NPRL2: variants seen among roughly 807,000 people sequenced by gnomAD.
NPRL2 encodes NPR2 like, GATOR1 complex subunit.
In NPRL2, 21 loss-of-function variants were observed where a neutral mutation model predicts 51.1. The ratio of observed to expected loss-of-function variants is 0.41; its 90% confidence interval spans 0.29 to 0.59. The LOEUF is 0.59. NPRL2 is among the 20% of genes least tolerant of loss of function. NPRL2 has a pLI of 0.29. For missense variants in NPRL2, 376 were observed against 483.4 expected, an observed-to-expected ratio of 0.78 and a Z score of 2.08; for synonymous variants, 175 against 187.8, an observed-to-expected ratio of 0.93 and a Z score of 0.56.
chr3:50,349,185 G>T lies in NPRL2; in HGVS notation c.449-175C>A, dbSNP rs1703663264. ...CAAAGGGGAAGGAATTGCCCAAGGG[G>T]CAGAGCTGGAGAGCTCTGCTTTCCC... On this transcript the variant is annotated intron_variant, in intron 4 of 10. Coordinates refer to ENST00000232501, the MANE Select transcript of NPRL2 (RefSeq NM_006545.5). This position sits in a 1 kb window ranked among gnomAD's most constrained non-coding sequence, Gnocchi z 4.6. 4.4e-6 allele frequency: 4 copies of T among 903,780 alleles called. No individual in the cohort carries two copies. In the Admixed American group the frequency reaches 1.1e-4, roughly 24 times the overall value. The allele number at this position is 903,780 out of a possible 1,614,324, so 56.0% of individuals were successfully genotyped here. A position where few individuals can be genotyped will look rare whatever the true frequency, so the allele number is the denominator to read the frequency against.
At position 50,348,198 on chromosome 3, in the gene NPRL2, G is replaced by A. The variant is rs1298776070; in HGVS notation, c.858C>T (p.Cys286=). 1 of 1,614,054 alleles carries A rather than the reference G, an allele frequency of 6.2e-7. No homozygotes were observed. Among genetic ancestry groups the A allele is most frequent in the Non-Finnish European group, 8.5e-7 (1 of 1,180,032 alleles). ...ASLRDVFQLY[C]SLSPGTTVRD... ...GCACGGTAGTGCCAGGGCTCAGGCT[G>A]CAGTATAGCTGGAACACATCCCGGA... Residue 286 remains cysteine, a synonymous_variant, in exon 9 of 11, where the codon TGC becomes TGT. Transcript: ENST00000232501. This position sits in a 1 kb window ranked among gnomAD's most constrained non-coding sequence, Gnocchi z 5.8.
chr3:50,347,669 C>T lies in NPRL2; in HGVS notation c.1080G>A (p.Met360Ile), dbSNP rs1393501650. 5 of 1,614,094 alleles carry T rather than the reference C, an allele frequency of 3.1e-6. No individual in the cohort carries two copies. In the South Asian group the frequency reaches 4.4e-5, roughly 14 times the overall value. Reference sequence around the variant, plus strand: ...GCCGCTCATCCAGCTCATGGTAGCTCATGCCTGGGTGGGGTGGTGGAGGAG... The same window carrying T: ...GCCGCTCATCCAGCTCATGGTAGCTTATGCCTGGGTGGGGTGGTGGAGGAG... ...SYDEICCKTGMSYHELDERLE... is the reference protein window; with the variant it reads ...SYDEICCKTGISYHELDERLE... The change falls in exon 11 of 11, where the codon ATG (methionine) becomes ATA (isoleucine). Residue 360 changes from methionine (M) to isoleucine (I), a missense_variant. Coordinates refer to ENST00000232501, the MANE Select transcript of NPRL2 (RefSeq NM_006545.5).
At chr3:50,347,727 T>C (rs768466363) in intron 10 of NPRL2, 32 bp downstream of exon 10, 1 of 1,613,876 alleles carries the variant, frequency 6.2e-7, no homozygotes, top group Non-Finnish European at 8.5e-7. Flanking sequence ...CACCCTGCCC[T>C]GAACCCACCC....
Position 50,349,214 on chromosome 3 carries a change from AC to A in NPRL2, c.448+171del. On this transcript the variant is annotated intron_variant, in intron 4 of 10. Coordinates refer to ENST00000232501, the MANE Select transcript of NPRL2 (RefSeq NM_006545.5). This position sits in a 1 kb window ranked among gnomAD's most constrained non-coding sequence, Gnocchi z 4.6. ...AGCTGGAGAGCTCTGCTTTCCCCCT[AC>A]CCCCAGTCCCAGCTCCATCATGCAT... 1.2e-6 allele frequency: 1 copy of A among 829,962 alleles called. No homozygotes were observed. Among genetic ancestry groups the A allele is most frequent in the Non-Finnish European group, 1.9e-6 (1 of 531,272 alleles). The allele number at this position is 829,962 out of a possible 1,614,324, so 51.4% of individuals were successfully genotyped here.
intron 9 of NPRL2, 68 bp from the exon 10 acceptor site, chr3:50,347,969 C>T: frequency 1.2e-6 from 2 of 1,605,138 alleles, no homozygotes; most frequent in South Asian, 2.2e-5. Context: ...CCAACCCTTT[C>T]CTGTAGTCTC....
chr3:50,349,058 T>A lies in NPRL2; in HGVS notation c.449-48A>T. ...CCTCAGTGCCACTTCTTCCAAGAGG[T>A]CCTCAATTACCATCCAGGCCTCCCA... is the stretch of plus-strand genomic sequence containing the variant. On this transcript the variant is annotated intron_variant, in intron 4 of 10. Coordinates refer to ENST00000232501, the MANE Select transcript of NPRL2 (RefSeq NM_006545.5). This position sits in a 1 kb window ranked among gnomAD's most constrained non-coding sequence, Gnocchi z 4.6. The A allele has an allele frequency of 6.3e-7, 1 of 1,593,780 alleles. No homozygotes were observed. Among genetic ancestry groups the A allele is most frequent in the African/African-American group, 1.3e-5 (1 of 74,472 alleles).
At position 50,348,357 on chromosome 3, in the gene NPRL2, C is replaced by T; in HGVS notation, c.774G>A (p.Lys258=). ...TPKVQDLVDD[K]SLQEACLSYV... is the part of the protein sequence containing the mutation. ...AGGATAGACATGCCTCTTGCAGGGA[C>T]TTGTCATCTACCAGGTCCTGGACCT... Residue 258 remains lysine (K), a synonymous_variant, in exon 8 of 11, where the codon AAG becomes AAA. Transcript: ENST00000232501. The surrounding 1 kb of genome is among the most constrained non-coding windows in gnomAD (Gnocchi z 5.8). The T allele has an allele frequency of 6.2e-7, 1 of 1,613,954 alleles. No homozygotes were observed. The highest frequency in any genetic ancestry group is 1.1e-5 in the South Asian group (1 of 91,080).
Position 50,350,003 on chromosome 3 carries a change from G to C in NPRL2, c.98C>G (p.Ser33Cys). The change falls in exon 2 of 11, where the codon TCC (serine) becomes TGC (cysteine). Residue 33 changes from serine (S) to cysteine (C), a missense_variant. Ser to Cys is a moderately radical substitution (Grantham distance 112). Coordinates refer to ENST00000232501, the MANE Select transcript of NPRL2 (RefSeq NM_006545.5). This position sits in a 1 kb window ranked among gnomAD's most constrained non-coding sequence, Gnocchi z 5.7. ...TTGGACTGTGTCAAACAGCTCTCGG[G>C]AGATGAAGTCTTCAGGGACCTGGGG... ...ITYQVPEDFI[S>C]RELFDTVQVY... 2 of 1,613,852 alleles carry C rather than the reference G, an allele frequency of 1.2e-6. No homozygotes were observed. The highest frequency in any genetic ancestry group is 1.7e-6 in the Non-Finnish European group (2 of 1,179,994).
rs1044407713 is a variant in NPRL2 at position 50,350,560 on chromosome 3, G to T, written c.78+15C>A. The T allele has an allele frequency of 6.3e-7, 1 of 1,598,814 alleles. No homozygotes were observed. Among genetic ancestry groups the T allele is most frequent in the Non-Finnish European group, 8.5e-7 (1 of 1,172,516 alleles). ...CGTCCCTCTTCCCGCCCAGTCCCGCGAGCCCGGGTGGCACCTGATAGGTGA... is the reference window on the plus strand; with the variant it reads ...CGTCCCTCTTCCCGCCCAGTCCCGCTAGCCCGGGTGGCACCTGATAGGTGA... On this transcript the variant is annotated intron_variant, in intron 1 of 10. Transcript: ENST00000232501. This position sits in a 1 kb window ranked among gnomAD's most constrained non-coding sequence, Gnocchi z 5.7.
In NPRL2 at chr3:50,349,574, G is replaced by T; in HGVS notation, c.340-80C>A. ...GCTGCCCTGAGTCCTGAGCTGGTTT[G>T]CAGGGTCCCAGGTTTGGGGGACTTT... is the stretch of plus-strand genomic sequence containing the variant. On this transcript the variant is annotated intron_variant, in intron 3 of 10. Coordinates refer to ENST00000232501, the MANE Select transcript of NPRL2 (RefSeq NM_006545.5). The surrounding 1 kb of genome is among the most constrained non-coding windows in gnomAD (Gnocchi z 4.6). The T allele has an allele frequency of 6.2e-7, 1 of 1,609,962 alleles. No individual in the cohort carries two copies.
At position 50,349,852 on chromosome 3, in the gene NPRL2, G is replaced by A; in HGVS notation, c.171-19C>T. ...AGCTGTGCTGGATAATTGGAACACA[G>A]TCAGGCCCCCAAGCCTGTCCCTTCC... On this transcript the variant is annotated intron_variant, in intron 2 of 10. Transcript: ENST00000232501. The surrounding 1 kb of genome is among the most constrained non-coding windows in gnomAD (Gnocchi z 4.6). 6.2e-7 allele frequency: 1 copy of A among 1,612,078 alleles called. No individual in the cohort carries two copies. The highest frequency in any genetic ancestry group is 8.5e-7 in the Non-Finnish European group (1 of 1,178,582).
In NPRL2 at chr3:50,349,799, C is replaced by G; in HGVS notation, c.205G>C (p.Val69Leu). The change falls in exon 3 of 11, where the codon GTG becomes CTG. Residue 69 changes from valine to leucine, a missense_variant. Transcript: ENST00000232501. The surrounding 1 kb of genome is among the most constrained non-coding windows in gnomAD (Gnocchi z 4.6). ...CTGTACTTCTTGTGTTCGATGCACA[C>G]AGGACAGCCGATCAGCTTCTTTTCC... ...AMEKKLIGCPVCIEHKKYSRN... is the reference protein window; with the variant it reads ...AMEKKLIGCPLCIEHKKYSRN... 1 of 1,613,320 alleles carries G rather than the reference C, an allele frequency of 6.2e-7. No individual in the cohort carries two copies. The highest frequency in any genetic ancestry group is 8.5e-7 in the Non-Finnish European group (1 of 1,179,486).
rs761929873 is a variant in NPRL2 at position 50,349,389 on chromosome 3, T to C, written c.445A>G (p.Ile149Val). 6.2e-7 allele frequency: 1 copy of C among 1,613,046 alleles called. No individual in the cohort carries two copies. The highest frequency in any genetic ancestry group is 8.5e-7 in the Non-Finnish European group (1 of 1,179,520). Residue 149 changes from isoleucine to valine, a missense_variant, in exon 4 of 11, where the codon ATT becomes GTT. By Grantham distance (29) the Ile-to-Val change is conservative. Transcript: ENST00000232501. This position sits in a 1 kb window ranked among gnomAD's most constrained non-coding sequence, Gnocchi z 4.6. ...TCCTTGCAGAGGCTGGCCATACCAATGGGCAGAGTGCACCGGCCTGAGGCA... is the reference window on the plus strand; with the variant it reads ...TCCTTGCAGAGGCTGGCCATACCAACGGGCAGAGTGCACCGGCCTGAGGCA... ...LNASGRCTLPIDESNTIHLKV... is the reference protein window; with the variant it reads ...LNASGRCTLPVDESNTIHLKV...
Position 50,347,526 on chromosome 3 carries a change from GT to G in NPRL2, c.*79del. On this transcript the variant is annotated 3_prime_UTR_variant, in exon 11 of 11. Coordinates refer to ENST00000232501, the MANE Select transcript of NPRL2 (RefSeq NM_006545.5). ...GATGTCTTTATTTACAGAACTAAGA[GT>G]CAACCTCTAGACAGTATGACAAGCC... The G allele has an allele frequency of 6.5e-7, 1 of 1,550,272 alleles. No homozygotes were observed. The highest frequency in any genetic ancestry group is 8.9e-7 in the Non-Finnish European group (1 of 1,125,574).
In NPRL2 at chr3:50,348,162, A is replaced by G. The variant is rs1410589470; in HGVS notation, c.894T>C (p.Ile298=). 1.9e-6 allele frequency: 3 copies of G among 1,614,010 alleles called. No individual in the cohort carries two copies. The highest frequency in any genetic ancestry group is 4.5e-5 in the East Asian group (2 of 44,886). ...GCTGCAGCTGCTGGGGGTGGCGGCC[A>G]ATGAGGTCTCGCACGGTAGTGCCAG... The part of the protein sequence containing the change: ...LSPGTTVRDL[I]GRHPQQLQHV... The change falls in exon 9 of 11, where the codon ATT becomes ATC. Residue 298 remains isoleucine (I), a synonymous_variant. Coordinates refer to ENST00000232501, the MANE Select transcript of NPRL2 (RefSeq NM_006545.5). The surrounding 1 kb of genome is among the most constrained non-coding windows in gnomAD (Gnocchi z 5.8).
Position 50,347,581 on chromosome 3 carries a change from T to C in NPRL2, c.*25A>G, listed in dbSNP as rs1703596171. On this transcript the variant is annotated 3_prime_UTR_variant, in exon 11 of 11. Transcript: ENST00000232501. ...TAGTAGGAGGGACTACCCACAGCAA[T>C]GTGTCCATCCAGTCACTACCAGCCT... 2.5e-6 allele frequency: 4 copies of C among 1,613,732 alleles called. No homozygotes were observed. The East Asian group carries it at 6.7e-5, about 27-fold the overall frequency.
At position 50,350,373 on chromosome 3, in the gene NPRL2, A is replaced by G; in HGVS notation, c.78+202T>C. The G allele has an allele frequency of 1.6e-6, 1 of 640,426 alleles. No individual in the cohort carries two copies. Among genetic ancestry groups the G allele is most frequent in the Non-Finnish European group, 2.7e-6 (1 of 372,320 alleles). 39.7% of individuals were successfully genotyped at this position (640,426 alleles called of 1,614,324 possible). ...CCGGATCCCTACAGCCCGATATCCT[A>G]CAAACACTGCCAATGTGACGTATGT... On this transcript the variant is annotated intron_variant, in intron 1 of 10. Coordinates refer to ENST00000232501, the MANE Select transcript of NPRL2 (RefSeq NM_006545.5). The surrounding 1 kb of genome is among the most constrained non-coding windows in gnomAD (Gnocchi z 5.7).
In NPRL2 at chr3:50,348,649, T is replaced by C. The variant is rs375922078; in HGVS notation, c.683+36A>G. On this transcript the variant is annotated intron_variant, in intron 6 of 10. Coordinates refer to ENST00000232501, the MANE Select transcript of NPRL2 (RefSeq NM_006545.5). This position sits in a 1 kb window ranked among gnomAD's most constrained non-coding sequence, Gnocchi z 5.8. ...GGCCCCTGAGGTCTTCCCTGGCTGG[T>C]GACCTTGTCCCAGGTATGACTGTAG... The C allele has an allele frequency of 1.9e-6, 3 of 1,613,546 alleles. No individual in the cohort carries two copies. The African/African-American group carries it at 4.0e-5, about 22-fold the overall frequency.
In NPRL2 at chr3:50,348,454, G is replaced by C; in HGVS notation, c.721-44C>G. 1 of 1,613,332 alleles carries C rather than the reference G, an allele frequency of 6.2e-7. No individual in the cohort carries two copies. The highest frequency in any genetic ancestry group is 1.1e-5 in the South Asian group (1 of 91,070). The stretch of plus-strand genomic sequence containing the variant: ...CATAGGGGCCTGAGTGAGGGGCTTG[G>C]GAAGCTGACACAGCCCTGGTCTGGT... On this transcript the variant is annotated intron_variant, in intron 7 of 10. Coordinates refer to ENST00000232501, the MANE Select transcript of NPRL2 (RefSeq NM_006545.5). The surrounding 1 kb of genome is among the most constrained non-coding windows in gnomAD (Gnocchi z 5.8).
Sources: gnomAD v4.1 joint callset for allele counts on GRCh38, gnomAD v4.1.1 for gene constraint, Gnocchi (gnomAD v3.1) non-coding constraint, MANE v1.5 for transcripts, NCBI Gene and HGNC (gene_info 2026-07-23, HGNC 2026-07-21) for gene names.